The following PTPRC variants were observed in gnomAD, a reference collection of about 807,000 sequenced individuals.
PTPRC encodes the protein protein tyrosine phosphatase receptor type C, also known as receptor-type tyrosine-protein phosphatase C.
Under a neutral mutation model 155.9 loss-of-function variants are expected in PTPRC, and 44 were observed. That is an observed-to-expected ratio of 0.28 (90% CI 0.22 to 0.36). The LOEUF is 0.36. Ranked by LOEUF, PTPRC falls within the 10% of genes least tolerant of loss-of-function variation. The pLI is 1.00. For missense variants in PTPRC, 1,401 were observed against 1,564.6 expected, an observed-to-expected ratio of 0.90 and a Z score of 1.76; for synonymous variants, 525 against 533.1, an observed-to-expected ratio of 0.98 and a Z score of 0.21.
In PTPRC at chr1:198,732,397, A is replaced by T; in HGVS notation, c.2065+7A>T. 1 of 1,607,516 alleles carries T rather than the reference A, an allele frequency of 6.2e-7. No homozygotes were observed. Among genetic ancestry groups the T allele is most frequent in the Non-Finnish European group, 8.5e-7 (1 of 1,174,546 alleles). The stretch of plus-strand genomic sequence containing the variant: ...TATGTTGACATTCTTCCTTGTGAGT[A>T]TTTATTGAGTGCTGAATTCCCATAT... On this transcript the variant is annotated splice_region_variant and intron_variant, in intron 19 of 32. Transcript: ENST00000442510.
chr1:198,728,136 T>A (rs1444166138), intron 15 of PTPRC, among the ~76,000 whole-genome samples: 2 of 152,194 alleles, frequency 1.3e-5, no homozygotes, highest in Non-Finnish European at 2.9e-5. Context: ...AAATATAAAA[T>A]GTTTTCATTG....
intron 2 of PTPRC, among the ~76,000 whole-genome samples, chr1:198,690,250 A>G (rs1665856726): frequency 6.6e-6 from 1 of 152,172 alleles, no homozygotes; most frequent in African/African-American, 2.4e-5. Context: ...CATGAGAGCT[A>G]TTAGTTATTG....
Position 198,699,650 on chromosome 1 carries a change from G to T in PTPRC, c.385G>T (p.Gly129Cys). The change falls in exon 5 of 33, where the codon GGC (glycine) becomes TGC (cysteine). Residue 129 changes from glycine to cysteine, a missense_variant. Physicochemically the swap from Gly to Cys is radical, Grantham distance 159. Coordinates refer to ENST00000442510, the MANE Select transcript of PTPRC (RefSeq NM_002838.5). Reference protein sequence around the residue: ...SAGTDTQTFSGSAANAKLNPT... With the variant: ...SAGTDTQTFSCSAANAKLNPT... ...TGGAACTGACACGCAGACATTCAGC[G>T]GCTCCGCCGCCAATGCAAAACTCAA... 1 of 1,614,168 alleles carries T rather than the reference G, an allele frequency of 6.2e-7. No individual in the cohort carries two copies.
At chr1:198,724,465 A>AT (rs1046185341) in intron 15 of PTPRC, among the ~76,000 whole-genome samples, 23 of 151,008 alleles carry the variant, frequency 1.5e-4, no homozygotes, top group South Asian at 6.3e-4. Flanking sequence ...ACACATAGTT[A>AT]TTTTTTTTTC....
intron 6 of PTPRC, 53 bp from the exon 7 acceptor site, chr1:198,703,245 C>A (rs1168680900): frequency 1.9e-6 from 3 of 1,608,632 alleles, no homozygotes; most frequent in Non-Finnish European, 2.5e-6. Flanking sequence ...TTTCTTTCAC[C>A]TTTTAATATA....
chr1:198,691,013 C>T lies in PTPRC; in HGVS notation c.74-1334C>T, dbSNP rs77880794. 3.7e-3 allele frequency among the ~76,000 whole-genome samples: 564 copies of T among 152,158 alleles called. 3 individuals carry two copies. The highest frequency in any genetic ancestry group is 0.013 in the African/African-American group (545 of 41,538). ...TATTTGACTTCAACCATTTCCTTCT[C>T]GAAACACCCTCTACTCTTTATTCTT... On this transcript the variant is annotated intron_variant, in intron 2 of 32. Transcript: ENST00000442510.
At chr1:198,698,682 G>A (rs1204613280) in intron 4 of PTPRC, among the ~76,000 whole-genome samples, 1 of 151,166 alleles carries the variant, frequency 6.6e-6, no homozygotes, top group African/African-American at 2.4e-5. Context: ...AATATAGATG[G>A]GTATGTGTGT....
intron 28 of PTPRC, 119 bp from the exon 29 acceptor site, chr1:198,750,373 T>C (rs1192550838): frequency 9.7e-7 from 1 of 1,030,272 alleles, no homozygotes; most frequent in African/African-American, 1.6e-5. Context: ...ATAAGAATAT[T>C]ACTATTTGTA....
chr1:198,694,684 G>A (rs1666106293), intron 3 of PTPRC: 1 of 980,088 alleles, frequency 1.0e-6, no homozygotes, highest in African/African-American at 1.8e-5. Flanking sequence ...GTGACTTAAT[G>A]TGAATAGAAA....
chr1:198,721,279 T>C (rs1366662760), intron 14 of PTPRC, among the ~76,000 whole-genome samples: 1 of 152,204 alleles, frequency 6.6e-6, no homozygotes, highest in East Asian at 1.9e-4. Flanking sequence ...AGTTGATTTA[T>C]TAGTATTACT....
At chr1:198,647,152 C>T (rs1011787745) in intron 2 of PTPRC, among the ~76,000 whole-genome samples, 1 of 151,864 alleles carries the variant, frequency 6.6e-6, no homozygotes, top group African/African-American at 2.4e-5. Context: ...AAGATCATGT[C>T]CTCTAGACAG....
intron 12 of PTPRC, among the ~76,000 whole-genome samples, chr1:198,715,720 T>C (rs1653554550): frequency 6.6e-6 from 1 of 152,160 alleles, no homozygotes; most frequent in Admixed American, 6.5e-5. Context: ...TGATAGTGAG[T>C]ACCAACTAAT....
chr1:198,750,498 TG>T lies in PTPRC; in HGVS notation c.3081del (p.Trp1027Ter). On this transcript the variant is annotated frameshift_variant, in exon 29 of 33. Transcript: ENST00000442510. LOFTEE classifies it high-confidence loss of function. ...YINASFIMSY[W>X]KPEVMIAAQG... ...CCTTTTTTTGTCTAAAAAGAGCTAC[TG>T]GAAACCTGAAGTGATGATTGCTGCT... 1 of 1,612,444 alleles carries T rather than the reference TG, an allele frequency of 6.2e-7. No individual in the cohort carries two copies.
intron 14 of PTPRC, among the ~76,000 whole-genome samples, chr1:198,720,928 A>C (rs1035854431): frequency 1.3e-5 from 2 of 152,110 alleles, no homozygotes; most frequent in African/African-American, 4.8e-5. Context: ...TCTCAGAGGC[A>C]CCTAGGTGTT....
chr1:198,750,682 T>C lies in PTPRC; in HGVS notation c.3207+56T>C, dbSNP rs1230450265. 3.2e-6 allele frequency: 5 copies of C among 1,586,410 alleles called. No homozygotes were observed. The South Asian group carries it at 4.4e-5, about 14-fold the overall frequency. The stretch of plus-strand genomic sequence containing the variant: ...CTTTCTGTCATAAAACGTCATTCTC[T>C]AGTCTTGGATTGCTTGCTTCATCGC... On this transcript the variant is annotated intron_variant, in intron 29 of 32. Transcript: ENST00000442510.
chr1:198,718,067 A>G (rs773346789), intron 13 of PTPRC, 27 bp from the exon 14 acceptor site: 43 of 1,545,290 alleles, frequency 2.8e-5, no homozygotes, highest in Non-Finnish European at 3.7e-5. Flanking sequence ...TAAATTATTA[A>G]TAACAAATCT....
chr1:198,722,851 C>A (rs1653957127), intron 15 of PTPRC, among the ~76,000 whole-genome samples: 1 of 151,466 alleles, frequency 6.6e-6, no homozygotes, highest in African/African-American at 2.4e-5. Context: ...AGAAGTGGGC[C>A]TTAGATACAA....
chr1:198,731,907 T>G (rs1654405790), intron 18 of PTPRC, among the ~76,000 whole-genome samples, 181 bp downstream of exon 18: 1 of 151,978 alleles, frequency 6.6e-6, no homozygotes, highest in African/African-American at 2.4e-5. Flanking sequence ...TTGACGGGAT[T>G]ATAGTGTAGA....
At chr1:198,645,394 C>A (rs938211401) in intron 2 of PTPRC, among the ~76,000 whole-genome samples, 2 of 151,608 alleles carry the variant, frequency 1.3e-5, no homozygotes, top group African/African-American at 4.8e-5. Context: ...ACATATTAAG[C>A]ATAATAGAAA....
Sources: gnomAD v4.1 joint callset for allele counts (sites outside exome capture counted in the v4.1 genomes callset) on GRCh38, gnomAD v4.1.1 for gene constraint, MANE v1.5 for transcripts, NCBI Gene and HGNC (gene_info 2026-07-23, HGNC 2026-07-21) for gene names.